The following CNTNAP5 variants were observed in gnomAD, a reference collection of about 807,000 sequenced individuals.
CNTNAP5 encodes the protein contactin-associated protein-like 5.
CNTNAP5 carries 72 observed loss-of-function variants against 150.2 expected under a neutral mutation model. The ratio of observed to expected loss-of-function variants is 0.48; its 90% CI spans 0.40 to 0.58. CNTNAP5 has a LOEUF of 0.58. Among genes scored for constraint, CNTNAP5 ranks in the 20% least tolerant of loss-of-function variants. CNTNAP5 has a pLI of 0.00. For synonymous variants in CNTNAP5, 672 were observed against 619.8 expected, an observed-to-expected ratio of 1.08 and a Z score of -1.25; for missense variants, 1,636 against 1,626.2, an observed-to-expected ratio of 1.01 and a Z score of -0.10.
At chr2:124,320,231 T>C (rs758347140) in intron 3 of CNTNAP5, among the ~76,000 whole-genome samples, 11 of 152,246 alleles carry the variant, frequency 7.2e-5, no homozygotes, top group Non-Finnish European at 1.6e-4. Context: ...GGATATTTAA[T>C]GGAAACAGAT....
At chr2:124,513,154 T>C (rs1694631848) in intron 8 of CNTNAP5, among the ~76,000 whole-genome samples, 1 of 152,190 alleles carries the variant, frequency 6.6e-6, no homozygotes. Context: ...TTTTGGAGGC[T>C]ACAAATCCAG....
At chr2:124,466,971 G>C (rs915338903) in intron 6 of CNTNAP5, among the ~76,000 whole-genome samples, 1 of 152,040 alleles carries the variant, frequency 6.6e-6, no homozygotes, top group Non-Finnish European at 1.5e-5. Context: ...TTTGAAATGC[G>C]GACAAAGGTA....
chr2:124,479,006 C>T (rs1693706783), intron 7 of CNTNAP5, among the ~76,000 whole-genome samples: 1 of 152,180 alleles, frequency 6.6e-6, no homozygotes, highest in African/African-American at 2.4e-5. Context: ...GACTTAACAG[C>T]TGTTCCATAG....
intron 21 of CNTNAP5, among the ~76,000 whole-genome samples, chr2:124,871,361 T>C (rs1467835407): frequency 1.3e-5 from 2 of 152,066 alleles, no homozygotes; most frequent in Non-Finnish European, 2.9e-5. Context: ...TTCAATGCAA[T>C]ATTGAAGAAT....
chr2:124,798,100 T>G lies in CNTNAP5; in HGVS notation c.2997T>G (p.Val999=). The change falls in exon 19 of 24, where the codon GTT becomes GTG. Residue 999 remains valine, a synonymous_variant. Transcript: ENST00000682447. Reference sequence around the variant, plus strand: ...CTCCCCTCTTATATTTTGCAGAGGTTTCTGCTGTTTTTGAGGCTGGCACGT... The same window carrying G: ...CTCCCCTCTTATATTTTGCAGAGGTGTCTGCTGTTTTTGAGGCTGGCACGT... The part of the protein sequence containing the change: ...PYEGPFCKKE[V]SAVFEAGTSV... The G allele has an allele frequency of 6.2e-7, 1 of 1,607,008 alleles. No homozygotes were observed. The highest frequency in any genetic ancestry group is 8.5e-7 in the Non-Finnish European group (1 of 1,175,984).
chr2:124,244,685 G>A (rs934556808), intron 3 of CNTNAP5, among the ~76,000 whole-genome samples: 4 of 152,122 alleles, frequency 2.6e-5, no homozygotes, highest in East Asian at 3.9e-4. Flanking sequence ...AAATAGAGTG[G>A]CGTTAGGCAG....
intron 2 of CNTNAP5, among the ~76,000 whole-genome samples, chr2:124,233,041 GTT>G (rs10716079): frequency 0.013 from 1,947 of 145,362 alleles, 33 homozygotes; most frequent in African/African-American, 0.043. Flanking sequence ...GTATCTGTGG[GTT>G]TTTTTTTTTT....
At chr2:124,179,679 G>T (rs1685163309) in intron 1 of CNTNAP5, among the ~76,000 whole-genome samples, 1 of 152,168 alleles carries the variant, frequency 6.6e-6, no homozygotes, top group African/African-American at 2.4e-5. Flanking sequence ...TGAAATGTCA[G>T]TCTGCAAGTT....
intron 11 of CNTNAP5, among the ~76,000 whole-genome samples, chr2:124,564,576 G>A (rs1212659552): frequency 3.9e-5 from 6 of 151,972 alleles, no homozygotes; most frequent in African/African-American, 7.3e-5. Flanking sequence ...GGCTGGCCTC[G>A]AACTCCTGAC....
chr2:124,085,111 G>A (rs1301646678), intron 1 of CNTNAP5, among the ~76,000 whole-genome samples: 3 of 150,714 alleles, frequency 2.0e-5, no homozygotes, highest in Non-Finnish European at 3.0e-5. Context: ...TAGTAGAGAC[G>A]GGGTTTCACC....
chr2:124,510,229 T>TTATATATC (rs1694526123), intron 8 of CNTNAP5, among the ~76,000 whole-genome samples: 1 of 70,600 alleles, frequency 1.4e-5, no homozygotes, highest in Admixed American at 1.5e-4. Flanking sequence ...AAAAAGTAAA[T>TTATATATC]TATATATCTA....
intron 19 of CNTNAP5, 148 bp downstream of exon 19, chr2:124,798,468 CT>C (rs1264692142): frequency 1.6e-6 from 1 of 627,968 alleles, no homozygotes; most frequent in Admixed American, 2.8e-5. Context: ...CTTGATTATT[CT>C]TTACCTTTAT....
At chr2:124,547,328 G>A (rs1695535703) in intron 10 of CNTNAP5, among the ~76,000 whole-genome samples, 1 of 152,208 alleles carries the variant, frequency 6.6e-6, no homozygotes, top group South Asian at 2.1e-4. Flanking sequence ...CTGACTATCT[G>A]TATGGCATTT....
At chr2:124,448,696 G>T (rs1692889962) in intron 6 of CNTNAP5, among the ~76,000 whole-genome samples, 1 of 152,058 alleles carries the variant, frequency 6.6e-6, no homozygotes, top group Non-Finnish European at 1.5e-5. Context: ...ATTTTTAAAG[G>T]GTTGTAAAGG....
intron 10 of CNTNAP5, among the ~76,000 whole-genome samples, chr2:124,532,954 G>A (rs1451329507): frequency 1.3e-5 from 2 of 152,110 alleles, no homozygotes; most frequent in Admixed American, 6.5e-5. Context: ...TAAGTGCCCC[G>A]CCACCCTTTC....
chr2:124,295,504 G>T (rs780025), intron 3 of CNTNAP5, among the ~76,000 whole-genome samples: 44,820 of 151,372 alleles, frequency 0.3, 7,243 homozygotes, highest in Admixed American at 0.38. Context: ...ATCACCTGGT[G>T]ACCATTGAAT....
chr2:124,709,998 T>C (rs867714879), intron 13 of CNTNAP5, among the ~76,000 whole-genome samples: 1 of 149,860 alleles, frequency 6.7e-6, no homozygotes, highest in Non-Finnish European at 1.5e-5. Flanking sequence ...CTTTAAAAAA[T>C]TTCCTACAAA....
chr2:124,610,031 C>T, intron 12 of CNTNAP5, 111 bp downstream of exon 12: 1 of 1,247,224 alleles, frequency 8.0e-7, no homozygotes, highest in Non-Finnish European at 1.1e-6. Flanking sequence ...GAAAGACCAA[C>T]TGGTCTCCTT....
Position 124,673,589 on chromosome 2 carries a change from C to T in CNTNAP5, c.2077+25631C>T, listed in dbSNP as rs147962520. Among the ~76,000 whole-genome samples, 310 of 151,900 alleles carry T rather than the reference C, an allele frequency of 2.0e-3. 1 individual carries two copies. The highest frequency in any genetic ancestry group is 7.4e-3 in the African/African-American group (307 of 41,428). On this transcript the variant is annotated intron_variant, in intron 13 of 23. Transcript: ENST00000682447. ...CTCACTTTTGTACATAATAAATTAT[C>T]TACCAGGACAATAAAAGTGGCATCC...
Sources: gnomAD v4.1 joint callset for allele counts (sites outside exome capture counted in the v4.1 genomes callset) on GRCh38, gnomAD v4.1.1 for gene constraint, MANE v1.5 for transcripts, NCBI Gene and HGNC (gene_info 2026-07-23, HGNC 2026-07-21) for gene names.